The following PREPL variants were observed in gnomAD, a reference collection of about 807,000 sequenced individuals.
The protein encoded by PREPL is prolyl endopeptidase like.
A neutral mutation model predicts 70.6 loss-of-function variants in PREPL; 77 were observed. The ratio of observed to expected loss-of-function variants is 1.09; its 90% CI spans 0.91 to 1.32. The LOEUF is 1.32. PREPL is among the 40% of genes most tolerant of loss of function. The probability of loss-of-function intolerance (pLI) is 0.00; values close to 1 mark genes in which losing one functional copy is unlikely to be tolerated. For missense variants in PREPL, 1,002 were observed against 778.2 expected (o/e 1.29, Z -3.42); for synonymous variants, 315 against 264.8 (o/e 1.19, Z -1.84).
In PREPL at chr2:44,348,082, G is replaced by T. The variant is rs540131771; in HGVS notation, c.-48-1692C>A. 2.0e-5 allele frequency among the ~76,000 whole-genome samples: 3 copies of T among 152,056 alleles called. No individual in the cohort carries two copies. In the South Asian group the frequency reaches 6.2e-4, roughly 32 times the overall value. ...TTCTGAATTTTTTTTAAGAGACAGG[G>T]TCTCACTATGTTGCCCAGGCTGGAC... On this transcript the variant is annotated intron_variant, in intron 1 of 13. Coordinates refer to ENST00000409411, the MANE Select transcript of PREPL (RefSeq NM_001171613.2).
Position 44,318,394 on chromosome 2 carries a change from AAAATTTGTTTTTAATAGAAGACACAAG to A in PREPL, c.*2935_*2961del, listed in dbSNP as rs1214862256. On this transcript the variant is annotated 3_prime_UTR_variant, in exon 14 of 14. Coordinates refer to ENST00000409411, the MANE Select transcript of PREPL (RefSeq NM_001171613.2). ...GCCTGAGCCACCTTGCCTGGCCTGC[AAAATTTGTTTTTAATAGAAGACACAAG>A]AAATGATTTAAATATTTTATCAACA... is the stretch of plus-strand genomic sequence containing the variant. 3 of 176,300 alleles carry A rather than the reference AAAATTTGTTTTTAATAGAAGACACAAG, an allele frequency of 1.7e-5. No homozygotes were observed. Among genetic ancestry groups the A allele is most frequent in the African/African-American group, 7.2e-5 (3 of 41,634 alleles). 10.9% of individuals were successfully genotyped at this position (176,300 alleles called of 1,614,324 possible). A position where few individuals can be genotyped will look rare whatever the true frequency, so the allele number is the denominator to read the frequency against.
In PREPL at chr2:44,320,889, T is replaced by G. The variant is rs903603565; in HGVS notation, c.*467A>C. The G allele has an allele frequency of 2.0e-6, 1 of 502,986 alleles. No homozygotes were observed. The highest frequency in any genetic ancestry group is 3.6e-6 in the Non-Finnish European group (1 of 281,256). 31.2% of individuals were successfully genotyped at this position (502,986 alleles called of 1,614,324 possible). ...TCAATCAGGGATGACCAGAACACAT[T>G]AGGACCCCAGATTATTCAAAAACTT... is the stretch of plus-strand genomic sequence containing the variant. On this transcript the variant is annotated 3_prime_UTR_variant, in exon 14 of 14. Coordinates refer to ENST00000409411, the MANE Select transcript of PREPL (RefSeq NM_001171613.2).
intron 1 of PREPL, among the ~76,000 whole-genome samples, 159 bp downstream of exon 1, chr2:44,361,221 G>A (rs1677755805): frequency 6.6e-6 from 1 of 151,992 alleles, no homozygotes; most frequent in Admixed American, 6.5e-5. Flanking sequence ...CCACCCCAGG[G>A]ATGAGGCGAT....
chr2:44,328,928 C>A lies in PREPL; in HGVS notation c.1262+9G>T, dbSNP rs1325802854. 3.7e-6 allele frequency: 6 copies of A among 1,608,128 alleles called. No homozygotes were observed. The highest frequency in any genetic ancestry group is 5.1e-6 in the Non-Finnish European group (6 of 1,177,540). Reference sequence around the variant, plus strand: ...GCACTTACATGCCAGGTAAAATATACTGACTCACCGAACATGGCAGTATGC... The same window carrying A: ...GCACTTACATGCCAGGTAAAATATAATGACTCACCGAACATGGCAGTATGC... On this transcript the variant is annotated intron_variant, in intron 9 of 13. Transcript: ENST00000409411.
intron 9 of PREPL, among the ~76,000 whole-genome samples, chr2:44,328,687 AAAT>A (rs1037703341): frequency 6.6e-5 from 10 of 152,196 alleles, no homozygotes; most frequent in South Asian, 2.1e-4. Flanking sequence ...AACTGAAAGG[AAAT>A]AATAATATTA....
chr2:44,352,943 A>G (rs1373169783), intron 1 of PREPL, among the ~76,000 whole-genome samples: 2 of 152,178 alleles, frequency 1.3e-5, no homozygotes, highest in Non-Finnish European at 2.9e-5. Context: ...AGGATCAATA[A>G]GTGTAAGAAA....
intron 1 of PREPL, among the ~76,000 whole-genome samples, chr2:44,357,161 C>G (rs763480378): frequency 1.3e-5 from 2 of 152,250 alleles, no homozygotes; most frequent in Non-Finnish European, 2.9e-5. Context: ...AGTTCAGTCA[C>G]ACCAATCGTG....
rs769175221 is a variant in PREPL at position 44,322,780 on chromosome 2, A to C, written c.1704T>G (p.Thr568=). 1.2e-6 allele frequency: 2 copies of C among 1,613,954 alleles called. No homozygotes were observed. Among genetic ancestry groups the C allele is most frequent in the South Asian group, 2.2e-5 (2 of 91,088 alleles). The change falls in exon 12 of 14, where the codon ACT becomes ACG. Residue 568 remains threonine, a synonymous_variant. Coordinates refer to ENST00000409411, the MANE Select transcript of PREPL (RefSeq NM_001171613.2). Reference sequence around the variant, plus strand: ...CCGCGATGGCTTCCTTGAGTTTCTCAGTATAACTTACAATTCCTTTCAGAG... The same window carrying C: ...CCGCGATGGCTTCCTTGAGTTTCTCCGTATAACTTACAATTCCTTTCAGAG... ...RVPLKGIVSY[T]EKLKEAIAEH...
At chr2:44,345,591 G>A (rs934844214) in intron 2 of PREPL, among the ~76,000 whole-genome samples, 2 of 151,978 alleles carry the variant, frequency 1.3e-5, no homozygotes, top group East Asian at 1.9e-4. Context: ...CAGGTGATCT[G>A]CCCACCTTGA....
Position 44,321,940 on chromosome 2 carries a change from G to A in PREPL, c.1754-40C>T, listed in dbSNP as rs370494604. 387 of 1,574,750 alleles carry A rather than the reference G, an allele frequency of 2.5e-4. 1 individual carries two copies. The highest frequency in any genetic ancestry group is 3.1e-4 in the Non-Finnish European group (361 of 1,154,906). On this transcript the variant is annotated intron_variant, in intron 12 of 13. Coordinates refer to ENST00000409411, the MANE Select transcript of PREPL (RefSeq NM_001171613.2). Reference sequence around the variant, plus strand: ...ATGTAGAACAATTAGAAGATTGTATGGGATCTTCTTTGGAAGATCGAGACC... The same window carrying A: ...ATGTAGAACAATTAGAAGATTGTATAGGATCTTCTTTGGAAGATCGAGACC...
chr2:44,341,674 C>T (rs1675236883), intron 5 of PREPL, among the ~76,000 whole-genome samples: 1 of 150,588 alleles, frequency 6.6e-6, no homozygotes, highest in East Asian at 1.9e-4. Flanking sequence ...TTTCTATCGA[C>T]AATTATTTTT....
chr2:44,320,524 T>C lies in PREPL; in HGVS notation c.*832A>G, dbSNP rs1279289214. ...CTGGACAAGGGAGAGGGACTCATCTTTGAACACAACACGAAGAATCTCCTT... is the reference window on the plus strand; with the variant it reads ...CTGGACAAGGGAGAGGGACTCATCTCTGAACACAACACGAAGAATCTCCTT... On this transcript the variant is annotated 3_prime_UTR_variant, in exon 14 of 14. Transcript: ENST00000409411. The C allele has an allele frequency of 6.2e-7, 1 of 1,614,144 alleles. No individual in the cohort carries two copies. Among genetic ancestry groups the C allele is most frequent in the Non-Finnish European group, 8.5e-7 (1 of 1,179,970 alleles).
In PREPL at chr2:44,321,146, C is replaced by A. The variant is rs1163490202; in HGVS notation, c.*210G>T. 5.6e-6 allele frequency: 3 copies of A among 538,916 alleles called. No homozygotes were observed. The highest frequency in any genetic ancestry group is 6.7e-6 in the Non-Finnish European group (2 of 298,448). The allele number at this position is 538,916 out of a possible 1,614,324, so 33.4% of individuals were successfully genotyped here. On this transcript the variant is annotated 3_prime_UTR_variant, in exon 14 of 14. Transcript: ENST00000409411. ...TCTAAGGAGCATGATTTGAAAATTA[C>A]TTTCCTAGGTTAATGGGCATGTGCA...
intron 1 of PREPL, among the ~76,000 whole-genome samples, chr2:44,361,065 T>G (rs999687795): frequency 2.0e-5 from 3 of 152,200 alleles, no homozygotes; most frequent in Admixed American, 2.0e-4. Context: ...AACAAGGACC[T>G]GCAAAGGTCC....
chr2:44,318,258 T>C lies in PREPL; in HGVS notation c.*3098A>G, dbSNP rs1001656219. 3.3e-6 allele frequency: 1 copy of C among 300,372 alleles called. No individual in the cohort carries two copies. Among genetic ancestry groups the C allele is most frequent in the Non-Finnish European group, 6.6e-6 (1 of 150,480 alleles). The allele number at this position is 300,372 out of a possible 1,614,324, so 18.6% of individuals were successfully genotyped here. Reference sequence around the variant, plus strand: ...GGTGCACGTCATTATGCCCGGGTAATTTCTGTATTTTTTAGTAGAGATGGT... The same window carrying C: ...GGTGCACGTCATTATGCCCGGGTAACTTCTGTATTTTTTAGTAGAGATGGT... On this transcript the variant is annotated 3_prime_UTR_variant, in exon 14 of 14. Coordinates refer to ENST00000409411, the MANE Select transcript of PREPL (RefSeq NM_001171613.2).
At position 44,343,899 on chromosome 2, in the gene PREPL, G is replaced by A. The variant is rs969723623; in HGVS notation, c.195C>T (p.Asp65=). 16 of 1,613,924 alleles carry A rather than the reference G, an allele frequency of 9.9e-6. No individual in the cohort carries two copies. Among genetic ancestry groups the A allele is most frequent in the Non-Finnish European group, 1.3e-5 (15 of 1,179,966 alleles). The change falls in exon 4 of 14, where the codon GAC becomes GAT. Residue 65 remains aspartate, a synonymous_variant. Transcript: ENST00000409411. ...CTCTGATACAATCAATGAAGGGCTG[G>A]TCTAACTTAAGTTCCTCCAAATTGA... The part of the protein sequence containing the change: ...VLFNLEELKL[D]QPFIDCIRVA...
chr2:44,356,118 C>A (rs1401236052), intron 1 of PREPL: 1 of 152,162 alleles, frequency 6.6e-6, no homozygotes, highest in Non-Finnish European at 1.5e-5. Flanking sequence ...CCAATAAGAA[C>A]TGCAGAACTG....
chr2:44,323,950 G>C (rs1260265696), intron 10 of PREPL, among the ~76,000 whole-genome samples: 1 of 152,150 alleles, frequency 6.6e-6, no homozygotes, highest in Non-Finnish European at 1.5e-5. Flanking sequence ...ACTGAAAGCA[G>C]GGTCTTAAAG....
At chr2:44,347,830 A>C (rs1675993621) in intron 1 of PREPL, among the ~76,000 whole-genome samples, 1 of 152,272 alleles carries the variant, frequency 6.6e-6, no homozygotes, top group South Asian at 2.1e-4. Context: ...TAGAGAATGT[A>C]AGCTATAAAT....
Sources: allele counts gnomAD v4.1 joint callset (sites outside exome capture counted in the v4.1 genomes callset), GRCh38; gene constraint gnomAD v4.1.1; transcripts MANE v1.5; gene names NCBI Gene and HGNC (gene_info 2026-07-23, HGNC 2026-07-21).